Variants in DPH6 observed in about 807,000 individuals in gnomAD.
DPH6 encodes the protein diphthine--ammonia ligase.
DPH6 carries 33 observed loss-of-function variants against 38.2 expected under a neutral mutation model. That is an observed-to-expected ratio of 0.86 (90% CI 0.65 to 1.15). The LOEUF is 1.15. DPH6 is among the 50% of genes most tolerant of loss of function. The pLI, the probability that DPH6 is intolerant of heterozygous loss-of-function variation, is 0.00. For missense variants in DPH6, 325 were observed against 320.0 expected (o/e 1.02, Z -0.12); for synonymous variants, 108 against 103.0 (o/e 1.05, Z -0.30).
At chr15:35,512,304 A>C (rs2054785328) in intron 3 of DPH6, among the ~76,000 whole-genome samples, 1 of 152,170 alleles carries the variant, frequency 6.6e-6, no homozygotes, top group Non-Finnish European at 1.5e-5. Context: ...TAAGTCAGTT[A>C]ATAGCCAGGA....
intron 3 of DPH6, among the ~76,000 whole-genome samples, chr15:35,522,531 C>G (rs2054937284): frequency 6.6e-6 from 1 of 152,098 alleles, no homozygotes; most frequent in Non-Finnish European, 1.5e-5. Context: ...AATAAAATCT[C>G]TCACATACAA....
At chr15:35,425,058 T>C (rs1005884209) in intron 5 of DPH6, among the ~76,000 whole-genome samples, 2 of 151,618 alleles carry the variant, frequency 1.3e-5, no homozygotes, top group Admixed American at 6.6e-5. Flanking sequence ...TGTACTCACA[T>C]ATAGTTGAGA....
At chr15:35,401,531 G>T in intron 6 of DPH6, 1 of 772,010 alleles carries the variant, frequency 1.3e-6, no homozygotes, top group Non-Finnish European at 2.4e-6. Context: ...AACAATGGAG[G>T]CAGAGGTGGC....
intron 3 of DPH6, among the ~76,000 whole-genome samples, chr15:35,351,338 TG>T (rs1332087619): frequency 2.0e-5 from 3 of 152,170 alleles, no homozygotes; most frequent in African/African-American, 4.8e-5. Flanking sequence ...TGGATTGTGT[TG>T]TTTTTTTATT....
chr15:35,516,741 A>C (rs1057163272), intron 3 of DPH6, among the ~76,000 whole-genome samples: 7 of 152,096 alleles, frequency 4.6e-5, no homozygotes, highest in African/African-American at 1.7e-4. Flanking sequence ...GGTCTCACTC[A>C]CTCACATGCC....
chr15:35,296,304 T>C (rs745965957), intron 3 of DPH6, among the ~76,000 whole-genome samples: 22 of 152,180 alleles, frequency 1.4e-4, no homozygotes, highest in Admixed American at 1.2e-3. Context: ...ATAACCACAT[T>C]ACTTCTAAAA....
the DPH6 span, among the ~76,000 whole-genome samples, chr15:35,185,521 A>G: frequency 6.6e-6 from 1 of 152,194 alleles, no homozygotes; most frequent in African/African-American, 2.4e-5. Flanking sequence ...TGTAGCTACA[A>G]GGAACAGAGT....
chr15:35,481,083 ATAACTACTACCCACATG>A, intron 3 of DPH6, among the ~76,000 whole-genome samples: 1 of 152,290 alleles, frequency 6.6e-6, no homozygotes, highest in Middle Eastern at 3.4e-3. Context: ...ATGTAACAAG[ATAACTACTACCCACATG>A]TGACTACTGA....
At chr15:35,522,021 A>T (rs2054929187) in intron 3 of DPH6, 1 of 1,547,090 alleles carries the variant, frequency 6.5e-7, no homozygotes, top group Non-Finnish European at 8.7e-7. Flanking sequence ...ACAGGGACAG[A>T]TCAGCATCCA....
intron 3 of DPH6, among the ~76,000 whole-genome samples, chr15:35,464,338 CATTATAA>C (rs977821764): frequency 1.2e-3 from 177 of 151,350 alleles, no homozygotes; most frequent in African/African-American, 3.9e-3. Flanking sequence ...AGTCTATATA[CATTATAA>C]CAGACCACAA....
chr15:35,190,785 G>A, the DPH6 span, among the ~76,000 whole-genome samples: 4 of 152,234 alleles, frequency 2.6e-5, no homozygotes, highest in Admixed American at 1.3e-4. Flanking sequence ...CCCAAAGTTA[G>A]TTCGGCTTTT....
chr15:35,227,847 A>T (rs542496764), intron 3 of DPH6, among the ~76,000 whole-genome samples: 2 of 151,768 alleles, frequency 1.3e-5, no homozygotes, highest in Admixed American at 6.6e-5. Flanking sequence ...GTTTCAAAAA[A>T]TTTTTCAATT....
At chr15:35,196,540 G>A in the DPH6 span, among the ~76,000 whole-genome samples, 2 of 152,288 alleles carry the variant, frequency 1.3e-5, no homozygotes, top group South Asian at 2.1e-4. Context: ...AGGTACGAGT[G>A]CAAACTTAGC....
intron 3 of DPH6, among the ~76,000 whole-genome samples, chr15:35,528,074 G>C (rs1027689572): frequency 3.9e-5 from 6 of 152,124 alleles, no homozygotes; most frequent in Non-Finnish European, 8.8e-5. Context: ...ACCGGCAAAT[G>C]TGTAATTGCA....
chr15:35,343,580 G>A (rs1310865068), intron 3 of DPH6, among the ~76,000 whole-genome samples: 6 of 151,978 alleles, frequency 3.9e-5, no homozygotes, highest in East Asian at 3.9e-4. Flanking sequence ...TCATGATTCC[G>A]TAACTACTTT....
chr15:35,461,842 T>G (rs927147105), intron 3 of DPH6, among the ~76,000 whole-genome samples: 1 of 152,182 alleles, frequency 6.6e-6, no homozygotes, highest in Non-Finnish European at 1.5e-5. Flanking sequence ...CCACTTACTC[T>G]CTTCTATATA....
intron 4 of DPH6, among the ~76,000 whole-genome samples, chr15:35,454,225 C>G (rs4923686): frequency 0.86 from 130,138 of 151,992 alleles, 55,957 homozygotes; most frequent in South Asian, 0.92. Context: ...GGAGTAGAGA[C>G]GGGCTAGGAC....
chr15:35,400,919 A>G, intron 6 of DPH6: 2 of 1,036,248 alleles, frequency 1.9e-6, no homozygotes, highest in Non-Finnish European at 3.0e-6. Context: ...GCAAGGCCAC[A>G]CAAGGTGGAT....
rs1238634909 is a variant in DPH6, at chr15:35,239,524, G to A, written n.201-18942C>T. On this transcript the variant is annotated intron_variant and non_coding_transcript_variant, in intron 3 of 3. Coordinates refer to the DPH6 transcript ENST00000560386. ...TCCTTCACCCTTAGCGGCAAGTCCC[G>A]CTTTTCTGGGGAAGGAGCAAGTACC... 5.6e-5 allele frequency among the ~76,000 whole-genome samples: 8 copies of A among 143,708 alleles called. 1 individual carries two copies. Among genetic ancestry groups the A allele is most frequent in the African/African-American group, 1.3e-4 (5 of 39,714 alleles). The allele number at this position is 143,708 out of a possible 152,430, so 94.3% of individuals were successfully genotyped here. A position where few individuals can be genotyped will look rare whatever the true frequency, so the allele number is the denominator to read the frequency against.
Sources: gnomAD v4.1 joint callset for allele counts (sites outside exome capture counted in the v4.1 genomes callset) on GRCh38, gnomAD v4.1.1 for gene constraint, MANE v1.5 for transcripts, NCBI Gene and HGNC (gene_info 2026-07-23, HGNC 2026-07-21) for gene names.